KIRREL3: variants seen among roughly 807,000 people sequenced by gnomAD.
The protein encoded by KIRREL3 is kin of IRRE-like protein 3.
Under a neutral mutation model 89.7 loss-of-function variants are expected in KIRREL3, and 36 were observed. The ratio of observed to expected loss-of-function variants is 0.40; its 90% confidence interval spans 0.31 to 0.53. The LOEUF is 0.53. KIRREL3 is among the 20% of genes least tolerant of loss of function. KIRREL3 has a pLI of 0.49. For synonymous variants in KIRREL3, 445 were observed against 441.4 expected (o/e 1.01, Z -0.10); for missense variants, 864 against 1,056.6 (o/e 0.82, Z 2.53).
At chr11:126,540,425 C>G (rs568672883) in intron 2 of KIRREL3, among the ~76,000 whole-genome samples, 56 of 152,328 alleles carry the variant, frequency 3.7e-4, no homozygotes, top group South Asian at 1.7e-3. Context: ...ATTCTCCCAG[C>G]CTCGCACTTC....
intron 4 of KIRREL3, among the ~76,000 whole-genome samples, chr11:126,514,613 A>G (rs888838407): frequency 6.6e-6 from 1 of 152,252 alleles, no homozygotes; most frequent in South Asian, 2.1e-4. Context: ...GACATGTTTT[A>G]CATATATTAT....
intron 1 of KIRREL3, among the ~76,000 whole-genome samples, chr11:126,834,604 C>T (rs1943717366): frequency 1.3e-5 from 2 of 152,164 alleles, no homozygotes; most frequent in African/African-American, 2.4e-5. Context: ...TTTTGAGATG[C>T]GATTGGTTTG....
intron 16 of KIRREL3, among the ~76,000 whole-genome samples, chr11:126,425,304 C>T (rs57340642): frequency 0.029 from 4,366 of 152,248 alleles, 216 homozygotes; most frequent in African/African-American, 0.098. Context: ...AGCAGAGGCT[C>T]TTGACTGGGT....
chr11:126,715,238 A>G lies in KIRREL3; in HGVS notation c.56-152326T>C, dbSNP rs1447655093. Among the ~76,000 whole-genome samples the G allele has an allele frequency of 6.6e-6, 1 of 152,246 alleles. No individual in the cohort carries two copies. Among genetic ancestry groups the G allele is most frequent in the Admixed American group, 6.5e-5 (1 of 15,288 alleles). Reference sequence around the variant, plus strand: ...TGAGAAAAACAGTCTTGAGCTACTCAGGCTATCCCCATCTATTTTGTGGGG... The same window carrying G: ...TGAGAAAAACAGTCTTGAGCTACTCGGGCTATCCCCATCTATTTTGTGGGG... On this transcript the variant is annotated intron_variant, in intron 1 of 16. Transcript: ENST00000525144. The surrounding 1 kb of genome is among the most constrained non-coding windows in gnomAD (Gnocchi z 4.4).
rs1944961661 is a variant in KIRREL3 at position 126,652,883 on chromosome 11, T to C, written c.56-89971A>G. The C allele has an allele frequency of 6.6e-6, 1 of 152,192 alleles. No individual in the cohort carries two copies. 9.4% of individuals were successfully genotyped at this position (152,192 alleles called of 1,614,324 possible). On this transcript the variant is annotated intron_variant, in intron 1 of 16. Coordinates refer to ENST00000525144, the MANE Select transcript of KIRREL3 (RefSeq NM_032531.4). The surrounding 1 kb of genome is among the most constrained non-coding windows in gnomAD (Gnocchi z 4.9). Reference sequence around the variant, plus strand: ...CACCTCACTGGTCCTCTGTTGCCAGTAGAAAAAGCCCTACAAGGATTAATG... The same window carrying C: ...CACCTCACTGGTCCTCTGTTGCCAGCAGAAAAAGCCCTACAAGGATTAATG...
chr11:126,584,509 G>A (rs1349469035), intron 1 of KIRREL3, among the ~76,000 whole-genome samples: 1 of 152,188 alleles, frequency 6.6e-6, no homozygotes, highest in Admixed American at 6.5e-5. Flanking sequence ...ATGCTCCTCA[G>A]TTCAGCCCAG....
rs537888400 is a variant in KIRREL3, at chr11:126,996,042, C to T, written c.55+4413G>A. ...TTGACCCCACCCCACTCGTCCTCCC[C>T]CTAGGGACTTTCTTTTCCATCCTCA... On this transcript the variant is annotated intron_variant, in intron 1 of 16. Transcript: ENST00000525144. The surrounding 1 kb of genome is among the most constrained non-coding windows in gnomAD (Gnocchi z 4.7). 5.9e-5 allele frequency among the ~76,000 whole-genome samples: 9 copies of T among 152,170 alleles called. No individual in the cohort carries two copies. Among genetic ancestry groups the T allele is most frequent in the African/African-American group, 2.2e-4 (9 of 41,428 alleles).
At position 126,977,030 on chromosome 11, in the gene KIRREL3, C is replaced by T. The variant is rs939169047; in HGVS notation, c.55+23425G>A. Among the ~76,000 whole-genome samples the T allele has an allele frequency of 6.6e-6, 1 of 152,198 alleles. No individual in the cohort carries two copies. Among genetic ancestry groups the T allele is most frequent in the Admixed American group, 6.5e-5 (1 of 15,288 alleles). ...GAAGTTCTCTGTAACTGATAAACAT[C>T]ATGCTGCATTTCCCAAGGAGGACTG... On this transcript the variant is annotated intron_variant, in intron 1 of 16. Transcript: ENST00000525144. This position sits in a 1 kb window ranked among gnomAD's most constrained non-coding sequence, Gnocchi z 4.7.
In KIRREL3 at chr11:126,740,108, CA is replaced by C. The variant is rs943307025; in HGVS notation, c.56-177197del. Among the ~76,000 whole-genome samples the C allele has an allele frequency of 1.3e-5, 2 of 152,104 alleles. No homozygotes were observed. Among genetic ancestry groups the C allele is most frequent in the Non-Finnish European group, 2.9e-5 (2 of 68,010 alleles). ...CCTGAGGTAATTTGGCCCATTAGTT[CA>C]AATTGTGTTTTTTTCTTCCCTCCTT... is the stretch of plus-strand genomic sequence containing the variant. On this transcript the variant is annotated intron_variant, in intron 1 of 16. Coordinates refer to ENST00000525144, the MANE Select transcript of KIRREL3 (RefSeq NM_032531.4). This position sits in a 1 kb window ranked among gnomAD's most constrained non-coding sequence, Gnocchi z 6.0.
At chr11:126,690,518 G>A (rs1378096445) in intron 1 of KIRREL3, among the ~76,000 whole-genome samples, 1 of 152,108 alleles carries the variant, frequency 6.6e-6, no homozygotes, top group Non-Finnish European at 1.5e-5. Context: ...TGGTTCTTTG[G>A]GGAAGGATGA....
Position 126,541,617 on chromosome 11 carries a change from A to G in KIRREL3, c.134-14930T>C, listed in dbSNP as rs751841305. ...GGATCACCTGGGGGACTGGCTAAAA[A>G]TAACAGTTTCCTGGGCTCCAACTCA... is the stretch of plus-strand genomic sequence containing the variant. On this transcript the variant is annotated intron_variant, in intron 2 of 16. Coordinates refer to ENST00000525144, the MANE Select transcript of KIRREL3 (RefSeq NM_032531.4). This position sits in a 1 kb window ranked among gnomAD's most constrained non-coding sequence, Gnocchi z 4.8. Among the ~76,000 whole-genome samples the G allele has an allele frequency of 5.1e-4, 78 of 152,350 alleles. No individual in the cohort carries two copies. The highest frequency in any genetic ancestry group is 1.1e-3 in the Non-Finnish European group (74 of 68,032).
chr11:126,913,286 G>C (rs575309320), intron 1 of KIRREL3, among the ~76,000 whole-genome samples: 1 of 152,186 alleles, frequency 6.6e-6, no homozygotes, highest in Non-Finnish European at 1.5e-5. Context: ...ATTATTTAGG[G>C]AAATGAGCAG....
At chr11:126,984,357 G>A (rs1019894440) in intron 1 of KIRREL3, among the ~76,000 whole-genome samples, 16 of 152,186 alleles carry the variant, frequency 1.1e-4, no homozygotes, top group African/African-American at 3.9e-4. Flanking sequence ...CTGCTCTAGG[G>A]CTTGTGTCAC....
intron 1 of KIRREL3, among the ~76,000 whole-genome samples, chr11:126,809,579 C>G (rs565221076): frequency 6.6e-6 from 1 of 152,168 alleles, no homozygotes; most frequent in Non-Finnish European, 1.5e-5. Flanking sequence ...GTCTTTAGAC[C>G]AGTAACTTTA....
At chr11:126,933,514 A>C (rs528617531) in intron 1 of KIRREL3, among the ~76,000 whole-genome samples, 1 of 151,266 alleles carries the variant, frequency 6.6e-6, no homozygotes, top group Non-Finnish European at 1.5e-5. Context: ...AGCAGAAGGA[A>C]AACTGTCTTT....
chr11:126,502,139 C>T (rs913362118), intron 4 of KIRREL3, among the ~76,000 whole-genome samples: 13 of 152,238 alleles, frequency 8.5e-5, no homozygotes, highest in African/African-American at 3.1e-4. Flanking sequence ...TGTGCCTGCC[C>T]TGGCCTCCCC....
chr11:126,480,780 C>T (rs939667438), intron 4 of KIRREL3, among the ~76,000 whole-genome samples: 1 of 152,200 alleles, frequency 6.6e-6, no homozygotes, highest in African/African-American at 2.4e-5. Context: ...GGTGCTTTGG[C>T]GATGTCTGCT....
At position 126,551,749 on chromosome 11, in the gene KIRREL3, G is replaced by A. The variant is rs1939281593; in HGVS notation, c.133+11086C>T. On this transcript the variant is annotated intron_variant, in intron 2 of 16. Transcript: ENST00000525144. The surrounding 1 kb of genome is among the most constrained non-coding windows in gnomAD (Gnocchi z 4.9). The stretch of plus-strand genomic sequence containing the variant: ...ACTGCAACCTCTCCTGGGTTCAAGC[G>A]ATTCTCCTGCCTCAGCCTCCTGAGT... 1.3e-5 allele frequency among the ~76,000 whole-genome samples: 2 copies of A among 151,552 alleles called. No individual in the cohort carries two copies. Among genetic ancestry groups the A allele is most frequent in the Non-Finnish European group, 1.5e-5 (1 of 67,932 alleles).
At chr11:126,487,045 G>T (rs979927846) in intron 4 of KIRREL3, among the ~76,000 whole-genome samples, 2 of 152,170 alleles carry the variant, frequency 1.3e-5, no homozygotes, top group Admixed American at 6.5e-5. Flanking sequence ...ATACCCTGGA[G>T]CCTCAGAAGT....
Sources: allele counts gnomAD v4.1 joint callset (sites outside exome capture counted in the v4.1 genomes callset), GRCh38; gene constraint gnomAD v4.1.1; non-coding constraint Gnocchi (gnomAD v3.1); transcripts MANE v1.5; gene names NCBI Gene and HGNC (gene_info 2026-07-23, HGNC 2026-07-21).